The following NOX4 variants were observed in gnomAD, a reference collection of about 807,000 sequenced individuals.
NOX4 encodes the protein kidney oxidase-1.
NOX4 carries 69 observed loss-of-function variants against 87.6 expected under a neutral mutation model. The observed-to-expected ratio is 0.79, with a 90% CI of 0.65 to 0.96. The LOEUF is 0.96. Among genes scored for constraint, NOX4 ranks in the 40% least tolerant of loss-of-function variants. The pLI, the probability that NOX4 is intolerant of heterozygous loss-of-function variation, is 0.00. For synonymous variants in NOX4, 275 were observed against 238.2 expected, an observed-to-expected ratio of 1.15 and a Z score of -1.42; for missense variants, 680 against 681.5, an observed-to-expected ratio of 1.00 and a Z score of 0.02.
chr11:89,371,092 T>C (rs1939407977), intron 12 of NOX4, among the ~76,000 whole-genome samples: 1 of 152,032 alleles, frequency 6.6e-6, no homozygotes, highest in Non-Finnish European at 1.5e-5. Context: ...ATCAATTCTT[T>C]TAGAATAAAA....
chr11:89,431,009 A>G (rs1943751316), intron 7 of NOX4, among the ~76,000 whole-genome samples: 3 of 152,216 alleles, frequency 2.0e-5, no homozygotes, highest in Admixed American at 1.3e-4. Context: ...AAACAGAGAT[A>G]TAGACCAATG....
chr11:89,497,528 T>C (rs1282451951), intron 1 of NOX4, among the ~76,000 whole-genome samples: 1 of 152,198 alleles, frequency 6.6e-6, no homozygotes, highest in East Asian at 1.9e-4. Context: ...TTGGAAAGCA[T>C]CATAACTTTT....
At chr11:89,550,362 T>C in the NOX4 span, among the ~76,000 whole-genome samples, 1 of 152,088 alleles carries the variant, frequency 6.6e-6, no homozygotes, top group Non-Finnish European at 1.5e-5. Context: ...ATTTATGTAT[T>C]TTTATTAGAG....
At chr11:89,542,555 C>T in the NOX4 span, among the ~76,000 whole-genome samples, 3 of 152,108 alleles carry the variant, frequency 2.0e-5, no homozygotes, top group African/African-American at 4.8e-5. Flanking sequence ...AGATTCTGTC[C>T]GGAATACAAA....
intron 2 of NOX4, among the ~76,000 whole-genome samples, chr11:89,453,161 ACTAGGCCTATTT>A (rs1945043978): frequency 1.3e-5 from 2 of 152,202 alleles, no homozygotes; most frequent in South Asian, 4.1e-4. Context: ...CAGGCCTATT[ACTAGGCCTATTT>A]CTTCTAACCG....
intron 11 of NOX4, among the ~76,000 whole-genome samples, chr11:89,376,037 C>T (rs760895709): frequency 9.2e-5 from 14 of 152,336 alleles, no homozygotes; most frequent in Admixed American, 3.3e-4. Flanking sequence ...GGTAATTACA[C>T]ACAATGTTTA....
In NOX4 at chr11:89,399,335, C is replaced by T. The variant is rs181505970; in HGVS notation, c.1074+682G>A. ...CTCAACCCAGAGTATCCGTATTTCC[C>T]CTAAATTCCATCTCCAAAGAAAATT... On this transcript the variant is annotated intron_variant, in intron 11 of 17. Coordinates refer to ENST00000263317, the MANE Select transcript of NOX4 (RefSeq NM_016931.5). Among the ~76,000 whole-genome samples, 271 of 148,764 alleles carry T rather than the reference C, an allele frequency of 1.8e-3. 2 individuals carry two copies. The highest frequency in any genetic ancestry group is 6.5e-3 in the African/African-American group (263 of 40,576).
chr11:89,427,610 G>A (rs1022682870), intron 7 of NOX4, among the ~76,000 whole-genome samples: 10 of 152,188 alleles, frequency 6.6e-5, no homozygotes, highest in African/African-American at 2.4e-4. Context: ...TCAACTGGAA[G>A]AAAGGGTATC....
At chr11:89,527,188 A>G in the NOX4 span, among the ~76,000 whole-genome samples, 1 of 152,194 alleles carries the variant, frequency 6.6e-6, no homozygotes. Context: ...AGAAACTTCT[A>G]AGCAGCAAAA....
At chr11:89,410,817 G>A (rs1316301726) in intron 8 of NOX4, among the ~76,000 whole-genome samples, 4 of 152,214 alleles carry the variant, frequency 2.6e-5, no homozygotes, top group African/African-American at 7.2e-5. Flanking sequence ...GAAATTCCCT[G>A]CAAGTCCTGG....
the NOX4 span, among the ~76,000 whole-genome samples, chr11:89,510,865 A>C: frequency 1.3e-5 from 2 of 152,014 alleles, no homozygotes; most frequent in Non-Finnish European, 2.9e-5. Context: ...TCCTAAAACA[A>C]ATCTACATAA....
At chr11:89,574,381 G>C in the NOX4 span, among the ~76,000 whole-genome samples, 2 of 152,156 alleles carry the variant, frequency 1.3e-5, no homozygotes, top group Non-Finnish European at 2.9e-5. Flanking sequence ...CCTATTCTGG[G>C]CTGCCAATGC....
chr11:89,366,589 T>A (rs1005065280), intron 12 of NOX4, among the ~76,000 whole-genome samples: 5 of 150,890 alleles, frequency 3.3e-5, no homozygotes, highest in African/African-American at 7.3e-5. Context: ...CATGTGAGGA[T>A]CCATAGATCC....
the NOX4 span, among the ~76,000 whole-genome samples, chr11:89,539,554 G>A: frequency 1.3e-5 from 2 of 152,030 alleles, no homozygotes; most frequent in Non-Finnish European, 2.9e-5. Flanking sequence ...TTGGCTCTGT[G>A]TCCCTTTCTC....
the NOX4 span, among the ~76,000 whole-genome samples, chr11:89,584,111 A>C: frequency 6.6e-6 from 1 of 152,076 alleles, no homozygotes; most frequent in Non-Finnish European, 1.5e-5. Flanking sequence ...CATTCTTCTT[A>C]GGATAAAAAT....
the NOX4 span, among the ~76,000 whole-genome samples, chr11:89,556,550 G>C: frequency 6.6e-6 from 1 of 151,558 alleles, no homozygotes; most frequent in African/African-American, 2.4e-5. Flanking sequence ...GGAGGGGAGG[G>C]GAGGGGGAAA....
At chr11:89,428,984 T>G (rs1400265255) in intron 7 of NOX4, among the ~76,000 whole-genome samples, 1 of 152,112 alleles carries the variant, frequency 6.6e-6, no homozygotes, top group African/African-American at 2.4e-5. Flanking sequence ...CCTCAGCAAA[T>G]GTAAAAGAAC....
At position 89,388,033 on chromosome 11, in the gene NOX4, C is replaced by G. The variant is rs527346804; in HGVS notation, c.1074+11984G>C. 2.6e-5 allele frequency among the ~76,000 whole-genome samples: 4 copies of G among 152,298 alleles called. No individual in the cohort carries two copies. The East Asian group carries it at 7.7e-4, about 29-fold the overall frequency. On this transcript the variant is annotated intron_variant, in intron 11 of 17. Transcript: ENST00000263317. ...ATTTTGATTACTTTGGTCACTTCAA[C>G]AGTCTATGCTTTAGACTTCTCAAAT...
the NOX4 span, among the ~76,000 whole-genome samples, chr11:89,535,778 A>C: frequency 6.6e-6 from 1 of 152,226 alleles, no homozygotes; most frequent in Non-Finnish European, 1.5e-5. Context: ...GAAATTAGAT[A>C]ACAAATATAA....
Sources: gnomAD v4.1 joint callset for allele counts (sites outside exome capture counted in the v4.1 genomes callset) on GRCh38, gnomAD v4.1.1 for gene constraint, MANE v1.5 for transcripts, NCBI Gene and HGNC (gene_info 2026-07-23, HGNC 2026-07-21) for gene names.